The following SCN10A variants were observed in gnomAD, a reference collection of about 807,000 sequenced individuals.
SCN10A encodes the protein sodium voltage-gated channel alpha subunit 10.
A neutral mutation model predicts 170.7 loss-of-function variants in SCN10A; 162 were observed. The ratio of observed to expected loss-of-function variants is 0.95; its 90% CI spans 0.84 to 1.08. The LOEUF (loss-of-function observed/expected upper bound fraction) is 1.08, where lower values mean the gene tolerates loss of function less well. Ranked by LOEUF, SCN10A falls within the 50% of genes least tolerant of loss-of-function variation. The probability of loss-of-function intolerance (pLI) is 0.00; values close to 1 mark genes in which losing one functional copy is unlikely to be tolerated. For missense variants in SCN10A, 2,527 were observed against 2,436.9 expected, an observed-to-expected ratio of 1.04 and a Z score of -0.78; for synonymous variants, 985 against 904.6, an observed-to-expected ratio of 1.09 and a Z score of -1.59.
At chr3:38,748,573 T>C (rs2063716378) in intron 13 of SCN10A, among the ~76,000 whole-genome samples, 1 of 152,220 alleles carries the variant, frequency 6.6e-6, no homozygotes, top group South Asian at 2.1e-4. Flanking sequence ...GTATTTTGCC[T>C]GAGTTGTAGC....
At chr3:38,745,317 G>T (rs977722835) in intron 13 of SCN10A, among the ~76,000 whole-genome samples, 2 of 152,066 alleles carry the variant, frequency 1.3e-5, no homozygotes, top group African/African-American at 4.8e-5. Context: ...CGCTTAAAGA[G>T]GTCCCCCTGC....
intron 12 of SCN10A, 61 bp from the exon 13 acceptor site, chr3:38,750,245 G>A: frequency 1.1e-6 from 1 of 910,780 alleles, no homozygotes; most frequent in South Asian, 1.5e-5. Context: ...TGGCAAAGTT[G>A]GATCATTCAG....
chr3:38,756,394 G>T (rs1237207315), intron 10 of SCN10A, among the ~76,000 whole-genome samples: 1 of 152,006 alleles, frequency 6.6e-6, no homozygotes, highest in Non-Finnish European at 1.5e-5. Flanking sequence ...GCTGAAGCTG[G>T]TCTCTAGCTG....
rs185141232 is a variant in SCN10A at position 38,811,552 on chromosome 3, A to G, written c.-33+4485T>C. ...TCAAGAACAAAGGAAGCAATAAATT[A>G]ATCTTGCTATTAATACTATTATCTC... is the stretch of plus-strand genomic sequence containing the variant. On this transcript the variant is annotated intron_variant, in intron 1 of 27. Coordinates refer to ENST00000449082, the MANE Select transcript of SCN10A (RefSeq NM_006514.4). 2.6e-3 allele frequency among the ~76,000 whole-genome samples: 397 copies of G among 152,304 alleles called. 2 individuals carry two copies. The highest frequency in any genetic ancestry group is 9.3e-3 in the African/African-American group (386 of 41,554).
In SCN10A at chr3:38,763,605, C is replaced by T. The variant is rs2126034412; in HGVS notation, c.600-9G>A. ...TTGCTGTGCCAACATATCTGTAGGA[C>T]CAGAAGTTAGTCAGCATCTCTGCAA... is the stretch of plus-strand genomic sequence containing the variant. On this transcript the variant is annotated splice_polypyrimidine_tract_variant and intron_variant, in intron 5 of 27. Transcript: ENST00000449082. 1.2e-6 allele frequency: 2 copies of T among 1,609,502 alleles called. No individual in the cohort carries two copies. Among genetic ancestry groups the T allele is most frequent in the Non-Finnish European group, 8.5e-7 (1 of 1,176,028 alleles).
intron 3 of SCN10A, among the ~76,000 whole-genome samples, chr3:38,791,588 T>C (rs560125265): frequency 1.3e-5 from 2 of 152,308 alleles, no homozygotes; most frequent in South Asian, 4.1e-4. Flanking sequence ...GAGGTGCTGC[T>C]CTTTTGCCCA....
rs772926214 is a variant in SCN10A, at chr3:38,757,023, G to T, written c.1087C>A (p.Gln363Lys). Residue 363 changes from glutamine to lysine, a missense_variant, in exon 9 of 28, where the codon CAG (glutamine) becomes AAG (lysine). Physicochemically the swap from Gln to Lys is moderately conservative, Grantham distance 53 (BLOSUM62 1). Coordinates refer to ENST00000449082, the MANE Select transcript of SCN10A (RefSeq NM_006514.4). The part of the protein sequence containing the change: ...MTQDSWERLY[Q>K]QTLRTSGKIY... Reference sequence around the variant, plus strand: ...GGGGGAATGCAGCTCAGTACCTGCTGGTAGAGGCGTTCCCAGGAATCCTGT... The same window carrying T: ...GGGGGAATGCAGCTCAGTACCTGCTTGTAGAGGCGTTCCCAGGAATCCTGT... The T allele has an allele frequency of 1.5e-5, 24 of 1,609,944 alleles. No homozygotes were observed. In the East Asian group the frequency reaches 4.7e-4, roughly 31 times the overall value.
At chr3:38,789,166 TAAC>T (rs2064247937) in intron 3 of SCN10A, 130 bp from the exon 4 acceptor site, 5 of 657,928 alleles carry the variant, frequency 7.6e-6, no homozygotes, top group Non-Finnish European at 1.4e-5. Flanking sequence ...TGTCACATAA[TAAC>T]CACTAACATT....
At chr3:38,795,215 C>G (rs543469607) in intron 1 of SCN10A, among the ~76,000 whole-genome samples, 3 of 152,142 alleles carry the variant, frequency 2.0e-5, no homozygotes, top group African/African-American at 7.2e-5. Flanking sequence ...ACTTTTCAGT[C>G]TTTGAAGCTT....
intron 4 of SCN10A, among the ~76,000 whole-genome samples, chr3:38,785,329 A>G (rs113295398): frequency 0.02 from 3,058 of 152,268 alleles, 106 homozygotes; most frequent in African/African-American, 0.069. Context: ...GTAACACCGC[A>G]TATCTACAAC....
chr3:38,708,598 T>C (rs1463510173), intron 25 of SCN10A, among the ~76,000 whole-genome samples: 1 of 152,176 alleles, frequency 6.6e-6, no homozygotes, highest in Admixed American at 6.5e-5. Context: ...GCGCTGCCAG[T>C]CACACTCCCC....
intron 8 of SCN10A, among the ~76,000 whole-genome samples, chr3:38,757,384 T>A (rs2063820701): frequency 1.3e-5 from 2 of 151,910 alleles, no homozygotes; most frequent in Admixed American, 1.3e-4. Context: ...CACAGGGGAG[T>A]GGCCTGGGGA....
intron 4 of SCN10A, among the ~76,000 whole-genome samples, chr3:38,784,853 G>A (rs996826310): frequency 6.6e-6 from 1 of 152,052 alleles, no homozygotes; most frequent in Non-Finnish European, 1.5e-5. Context: ...CAAACCGAGA[G>A]CCAAATCATG....
chr3:38,724,495 A>C (rs1438227483), intron 18 of SCN10A, among the ~76,000 whole-genome samples: 2 of 152,204 alleles, frequency 1.3e-5, no homozygotes, highest in East Asian at 3.8e-4. Context: ...ACCTTGTATA[A>C]GACAATCCTA....
chr3:38,715,711 G>A (rs1371284395), intron 21 of SCN10A, among the ~76,000 whole-genome samples: 1 of 152,178 alleles, frequency 6.6e-6, no homozygotes, highest in Non-Finnish European at 1.5e-5. Flanking sequence ...GTGGAAGAAG[G>A]CTCATGTCTC....
In SCN10A at chr3:38,801,779, C is replaced by A. The variant is rs894076985; in HGVS notation, c.-32-7737G>T. Among the ~76,000 whole-genome samples the A allele has an allele frequency of 2.0e-5, 3 of 152,218 alleles. No homozygotes were observed. The South Asian group carries it at 6.2e-4, about 32-fold the overall frequency. On this transcript the variant is annotated intron_variant, in intron 1 of 27. Transcript: ENST00000449082. ...GTTTTTCCAGAACTTAATTAGTAAG[C>A]AAAAGTGTAAGATTTTACCTGTGTA... is the stretch of plus-strand genomic sequence containing the variant.
At position 38,726,923 on chromosome 3, in the gene SCN10A, T is replaced by C; in HGVS notation, c.2770A>G (p.Thr924Ala). ...LARIQVFGHR[T>A]KQALCSFFSR... is the part of the protein sequence containing the mutation. ...AAGAAGCTGCAAAGAGCCTGTTTGG[T>C]ACGATGGCCAAAGACCTGGATCCGT... is the stretch of plus-strand genomic sequence containing the variant. The change falls in exon 17 of 28, where the codon ACC becomes GCC. Residue 924 changes from threonine (T) to alanine (A), a missense_variant. Thr to Ala is a moderately conservative substitution (Grantham distance 58). Transcript: ENST00000449082. 3 of 1,614,218 alleles carry C rather than the reference T, an allele frequency of 1.9e-6. No homozygotes were observed. Among genetic ancestry groups the C allele is most frequent in the Non-Finnish European group, 2.5e-6 (3 of 1,180,038 alleles).
At chr3:38,762,176 T>C (rs546833887) in intron 6 of SCN10A, among the ~76,000 whole-genome samples, 42 of 152,176 alleles carry the variant, frequency 2.8e-4, no homozygotes, top group Non-Finnish European at 5.0e-4. Context: ...GGATTTATTT[T>C]TGGTTAGTCA....
chr3:38,731,754 A>C (rs1283410390), intron 15 of SCN10A, among the ~76,000 whole-genome samples: 1 of 152,210 alleles, frequency 6.6e-6, no homozygotes, highest in East Asian at 1.9e-4. Flanking sequence ...TATGCAACCC[A>C]TGAGTAAGCA....
Sources: allele counts gnomAD v4.1 joint callset (sites outside exome capture counted in the v4.1 genomes callset), GRCh38; gene constraint gnomAD v4.1.1; transcripts MANE v1.5; gene names NCBI Gene and HGNC (gene_info 2026-07-23, HGNC 2026-07-21).